The following HIVEP3 variants were observed in gnomAD, a reference collection of about 807,000 sequenced individuals.
HIVEP3 encodes transcription factor HIVEP3.
HIVEP3 carries 49 observed loss-of-function variants against 152.8 expected under a neutral mutation model. The ratio of observed to expected loss-of-function variants is 0.32; its 90% CI spans 0.26 to 0.41. The LOEUF is 0.41. Among genes scored for constraint, HIVEP3 ranks in the 10% least tolerant of loss-of-function variants. The pLI is 1.00. For missense variants in HIVEP3, 2,790 were observed against 3,103.3 expected, an observed-to-expected ratio of 0.90 and a Z score of 2.40; for synonymous variants, 1,269 against 1,289.0, an observed-to-expected ratio of 0.98 and a Z score of 0.33.
rs553870512 is a variant in HIVEP3 at position 41,806,052 on chromosome 1, GA to G, written c.-800-105058del. Among the ~76,000 whole-genome samples the G allele has an allele frequency of 7.9e-4, 121 of 152,310 alleles. 2 individuals carry two copies. Among genetic ancestry groups the G allele is most frequent in the Admixed American group, 5.8e-3 (89 of 15,306 alleles). Reference sequence around the variant, plus strand: ...TAGAAGCAGTACCAGCTGAGGCACAGAAGGGATCTTCAAATGTCAGTTCTCT... The same window carrying G: ...TAGAAGCAGTACCAGCTGAGGCACAGAGGGATCTTCAAATGTCAGTTCTCT... On this transcript the variant is annotated intron_variant, in intron 1 of 8. Transcript: ENST00000372583.
rs941330331 is a variant in HIVEP3, at chr1:42,015,929, C to T, written n.119+19878G>A. The stretch of plus-strand genomic sequence containing the variant: ...CCTTTCATGCTTTGTGCCTTTTGAA[C>T]CTCTTGCATCAAAAGTCTTTAGGAA... On this transcript the variant is annotated intron_variant and non_coding_transcript_variant, in intron 1 of 3. Coordinates refer to the HIVEP3 transcript ENST00000489103. Among the ~76,000 whole-genome samples the T allele has an allele frequency of 8.5e-5, 13 of 152,336 alleles. No individual in the cohort carries two copies. The East Asian group carries it at 1.4e-3, about 16-fold the overall frequency.
At chr1:41,540,146 G>C (rs1271656897) in intron 5 of HIVEP3, among the ~76,000 whole-genome samples, 2 of 152,276 alleles carry the variant, frequency 1.3e-5, no homozygotes, top group African/African-American at 4.8e-5. Flanking sequence ...AGCAGCCAGA[G>C]AGGACACTGA....
At chr1:42,019,653 C>CTA in intron 1 of HIVEP3, among the ~76,000 whole-genome samples, 1 of 151,874 alleles carries the variant, frequency 6.6e-6, no homozygotes, top group South Asian at 2.1e-4. Context: ...TTTGGGTTTT[C>CTA]TATATATACA....
chr1:41,851,105 C>T (rs1436399622), intron 1 of HIVEP3, among the ~76,000 whole-genome samples: 1 of 152,108 alleles, frequency 6.6e-6, no homozygotes, highest in Non-Finnish European at 1.5e-5. Flanking sequence ...TCATCATCTA[C>T]TTGCTCATTA....
chr1:42,004,473 C>T (rs917259811), intron 1 of HIVEP3, among the ~76,000 whole-genome samples: 6 of 152,020 alleles, frequency 3.9e-5, no homozygotes, highest in Non-Finnish European at 7.4e-5. Context: ...AACTAGGTGA[C>T]GTGGGCAGCT....
intron 2 of HIVEP3, among the ~76,000 whole-genome samples, chr1:41,689,695 C>T (rs576910742): frequency 6.6e-6 from 1 of 152,364 alleles, no homozygotes; most frequent in South Asian, 2.1e-4. Flanking sequence ...AGCCGCCCGA[C>T]TATTTCAGGG....
chr1:41,509,140 A>G lies in HIVEP3; in HGVS notation c.*1311T>C, dbSNP rs1379829287. 2 of 152,178 alleles carry G rather than the reference A, an allele frequency of 1.3e-5. No individual in the cohort carries two copies. The highest frequency in any genetic ancestry group is 6.5e-5 in the Admixed American group (1 of 15,280). 9.4% of individuals were successfully genotyped at this position (152,178 alleles called of 1,614,324 possible). A position where few individuals can be genotyped will look rare whatever the true frequency, so the allele number is the denominator to read the frequency against. ...ACACTGATTGCTTTGGAGAATTCCA[A>G]CGAGTTAGGACAATTCAAAAATCCT... On this transcript the variant is annotated 3_prime_UTR_variant, in exon 9 of 9. Transcript: ENST00000372583.
rs192532223 is a variant in HIVEP3 at position 41,726,720 on chromosome 1, C to T, written c.-800-25725G>A. ...AACAATAGGAGAGAGGAGATCAGTT[C>T]TTTTGGGGAAGGTCAAAGATAGAGG... On this transcript the variant is annotated intron_variant, in intron 1 of 8. Coordinates refer to ENST00000372583, the MANE Select transcript of HIVEP3 (RefSeq NM_024503.5). 8.9e-4 allele frequency among the ~76,000 whole-genome samples: 135 copies of T among 152,266 alleles called. No individual in the cohort carries two copies. In the South Asian group the frequency reaches 8.9e-3, roughly 10 times the overall value.
intron 1 of HIVEP3, among the ~76,000 whole-genome samples, chr1:41,900,907 T>G (rs1215942821): frequency 1.3e-5 from 2 of 152,114 alleles, no homozygotes; most frequent in East Asian, 1.9e-4. Flanking sequence ...TTCAATTATC[T>G]TTAGTTCAGC....
At chr1:41,756,439 C>T (rs7554758) in intron 1 of HIVEP3, among the ~76,000 whole-genome samples, 1 of 152,022 alleles carries the variant, frequency 6.6e-6, no homozygotes, top group African/African-American at 2.4e-5. Flanking sequence ...ATCAAAACCA[C>T]GGATTGATTC....
At chr1:41,685,936 C>T (rs2124099060) in intron 2 of HIVEP3, among the ~76,000 whole-genome samples, 1 of 152,340 alleles carries the variant, frequency 6.6e-6, no homozygotes, top group South Asian at 2.1e-4. Flanking sequence ...GTGGAAACAA[C>T]AGGCACCAGT....
At chr1:41,541,062 C>T (rs530544868) in intron 5 of HIVEP3, among the ~76,000 whole-genome samples, 8 of 152,138 alleles carry the variant, frequency 5.3e-5, no homozygotes, top group Non-Finnish European at 1.2e-4. Context: ...GATTAGGACG[C>T]TGCGAGTGCA....
chr1:41,546,689 G>T (rs944518691), intron 5 of HIVEP3, among the ~76,000 whole-genome samples: 1 of 152,180 alleles, frequency 6.6e-6, no homozygotes, highest in African/African-American at 2.4e-5. Context: ...ATGTAACTGG[G>T]TGTGGCCTTG....
At chr1:41,771,236 A>T (rs1374522056) in intron 1 of HIVEP3, among the ~76,000 whole-genome samples, 1 of 152,114 alleles carries the variant, frequency 6.6e-6, no homozygotes, top group Non-Finnish European at 1.5e-5. Context: ...AAATAATTTC[A>T]ATTGCTGTTT....
intron 3 of HIVEP3, among the ~76,000 whole-genome samples, chr1:41,620,097 CAGG>C (rs1485108630): frequency 6.6e-6 from 1 of 152,162 alleles, no homozygotes; most frequent in Non-Finnish European, 1.5e-5. Context: ...AAGGCAGACA[CAGG>C]AGAAGAGGAC....
At chr1:41,639,183 A>G (rs1009589644) in intron 2 of HIVEP3, among the ~76,000 whole-genome samples, 1 of 152,238 alleles carries the variant, frequency 6.6e-6, no homozygotes, top group African/African-American at 2.4e-5. Context: ...ATCAATAAGA[A>G]AACATGAAAA....
At chr1:41,645,237 G>A (rs1196894989) in intron 2 of HIVEP3, among the ~76,000 whole-genome samples, 1 of 152,184 alleles carries the variant, frequency 6.6e-6, no homozygotes, top group Non-Finnish European at 1.5e-5. Flanking sequence ...GGACCCCCAG[G>A]CCCTGCTGGC....
At chr1:41,914,929 A>G (rs1302690157) in intron 1 of HIVEP3, among the ~76,000 whole-genome samples, 1 of 152,208 alleles carries the variant, frequency 6.6e-6, no homozygotes, top group Non-Finnish European at 1.5e-5. Flanking sequence ...TATTTTCTTT[A>G]GTATTAAATG....
rs1365810274 is a variant in HIVEP3 at position 41,656,891 on chromosome 1, C to T, written c.-720-27944G>A. ...GACCACTCCATCAGAGGCCCAAAGG[C>T]CTAGACAGCACTCCAGAGCCTGTTG... is the stretch of plus-strand genomic sequence containing the variant. On this transcript the variant is annotated intron_variant, in intron 2 of 8. Transcript: ENST00000372583. Among the ~76,000 whole-genome samples the T allele has an allele frequency of 3.3e-5, 5 of 152,174 alleles. No individual in the cohort carries two copies. In the East Asian group the frequency reaches 9.6e-4, roughly 29 times the overall value.
Sources: allele counts gnomAD v4.1 joint callset (sites outside exome capture counted in the v4.1 genomes callset), GRCh38; gene constraint gnomAD v4.1.1; transcripts MANE v1.5; gene names NCBI Gene and HGNC (gene_info 2026-07-23, HGNC 2026-07-21).